The following RPH3A variants were observed in gnomAD, a reference collection of about 807,000 sequenced individuals.
The protein encoded by RPH3A is rabphilin-3A.
In RPH3A, 48 loss-of-function variants were observed where a neutral mutation model predicts 102.2. The ratio of observed to expected loss-of-function variants is 0.47; its 90% CI spans 0.37 to 0.60. The LOEUF (loss-of-function observed/expected upper bound fraction) is 0.60. RPH3A is among the 20% of genes least tolerant of loss of function. RPH3A has a pLI of 0.00. For missense variants in RPH3A, 781 were observed against 910.1 expected, an observed-to-expected ratio of 0.86 and a Z score of 1.83; for synonymous variants, 310 against 324.3, an observed-to-expected ratio of 0.96 and a Z score of 0.47.
intron 1 of RPH3A, among the ~76,000 whole-genome samples, chr12:112,637,299 G>A (rs1207113992): frequency 6.6e-6 from 1 of 152,098 alleles, no homozygotes; most frequent in Admixed American, 6.5e-5. Context: ...TATGGGCAAT[G>A]CCAAACATGT....
chr12:112,832,135 G>A (rs2041980271), intron 3 of RPH3A, among the ~76,000 whole-genome samples: 1 of 151,728 alleles, frequency 6.6e-6, no homozygotes, highest in Non-Finnish European at 1.5e-5. Flanking sequence ...TTTGAGTTGG[G>A]GTCTTGCTCT....
intron 1 of RPH3A, among the ~76,000 whole-genome samples, chr12:112,645,309 A>T (rs2039920429): frequency 6.6e-6 from 1 of 152,138 alleles, no homozygotes; most frequent in African/African-American, 2.4e-5. Context: ...TGAAGTTAGT[A>T]CACTTGGTCT....
chr12:112,646,874 A>T (rs2039935631), intron 1 of RPH3A, among the ~76,000 whole-genome samples: 1 of 152,054 alleles, frequency 6.6e-6, no homozygotes, highest in South Asian at 2.1e-4. Flanking sequence ...TGGTTTGATG[A>T]CCGATGTGGA....
intron 1 of RPH3A, among the ~76,000 whole-genome samples, chr12:112,778,500 A>AT (rs903757139): frequency 6.6e-6 from 1 of 152,106 alleles, no homozygotes; most frequent in Non-Finnish European, 1.5e-5. Flanking sequence ...TATGAATTTA[A>AT]TTTTTTTTAG....
chr12:112,846,084 G>A (rs1272628420), intron 4 of RPH3A, among the ~76,000 whole-genome samples: 1 of 152,178 alleles, frequency 6.6e-6, no homozygotes. Flanking sequence ...GGACAGAGGG[G>A]CAGGTAAAGG....
At chr12:112,733,556 G>C (rs1213810001) in intron 1 of RPH3A, among the ~76,000 whole-genome samples, 1 of 152,122 alleles carries the variant, frequency 6.6e-6, no homozygotes, top group Non-Finnish European at 1.5e-5. Flanking sequence ...CAATGAAGAA[G>C]CCTCGAATTG....
intron 1 of RPH3A, among the ~76,000 whole-genome samples, chr12:112,696,239 A>G (rs1036005449): frequency 6.6e-6 from 1 of 152,166 alleles, no homozygotes; most frequent in South Asian, 2.1e-4. Flanking sequence ...TCGTTGGTTG[A>G]TGGACACTTA....
chr12:112,629,839 G>A (rs935788889), intron 1 of RPH3A, among the ~76,000 whole-genome samples: 1 of 152,072 alleles, frequency 6.6e-6, no homozygotes, highest in Non-Finnish European at 1.5e-5. Context: ...TAGGCACAGT[G>A]CTAACATCTT....
chr12:112,789,844 G>T (rs2041077827), upstream of RPH3A, among the ~76,000 whole-genome samples: 3 of 145,572 alleles, frequency 2.1e-5, no homozygotes. Context: ...TTGAGGCGAG[G>T]AGTTCAAGAC....
intron 1 of RPH3A, among the ~76,000 whole-genome samples, chr12:112,774,368 A>G (rs1183627445): frequency 2.0e-5 from 3 of 152,216 alleles, no homozygotes; most frequent in Non-Finnish European, 2.9e-5. Context: ...TAACTAAAAT[A>G]TTTATGGAAA....
intron 1 of RPH3A, among the ~76,000 whole-genome samples, chr12:112,690,737 G>A (rs958553917): frequency 6.6e-6 from 1 of 152,180 alleles, no homozygotes; most frequent in African/African-American, 2.4e-5. Context: ...GTTAAGGAAG[G>A]GAAGAGGGAA....
chr12:112,863,286 G>A (rs1002985585), intron 5 of RPH3A, among the ~76,000 whole-genome samples: 2 of 152,130 alleles, frequency 1.3e-5, no homozygotes, highest in Admixed American at 6.5e-5. Flanking sequence ...GAAGTGCTAG[G>A]GTCATGCGTA....
At chr12:112,852,661 G>A (rs2042341934) in intron 5 of RPH3A, among the ~76,000 whole-genome samples, 1 of 152,136 alleles carries the variant, frequency 6.6e-6, no homozygotes. Context: ...GTGGCCAGAG[G>A]TGCCAGGCTA....
At chr12:112,828,234 A>G (rs945810832) in intron 2 of RPH3A, 67 bp from the exon 3 acceptor site, 9 of 1,058,298 alleles carry the variant, frequency 8.5e-6, no homozygotes, top group African/African-American at 6.3e-5. Context: ...GGCATAAAGC[A>G]GGGATTTGGG....
intron 1 of RPH3A, among the ~76,000 whole-genome samples, chr12:112,637,142 T>A (rs1425300391): frequency 6.6e-6 from 1 of 152,172 alleles, no homozygotes; most frequent in Admixed American, 6.5e-5. Flanking sequence ...CCGTTCATAA[T>A]AACATCTTTA....
At chr12:112,583,858 T>A (rs887606489) in intron 1 of RPH3A, among the ~76,000 whole-genome samples, 1 of 152,112 alleles carries the variant, frequency 6.6e-6, no homozygotes, top group Non-Finnish European at 1.5e-5. Flanking sequence ...TTGTGGCAGA[T>A]GCCTGTAGTC....
chr12:112,875,504 T>A (rs1023337356), intron 11 of RPH3A, among the ~76,000 whole-genome samples, 175 bp from the exon 12 acceptor site: 5 of 152,094 alleles, frequency 3.3e-5, no homozygotes, highest in African/African-American at 1.2e-4. Flanking sequence ...AGGGCTTGGA[T>A]CCAAGTCTTT....
At chr12:112,881,684 CAGAT>C (rs2042916033) in intron 14 of RPH3A, 84 bp from the exon 15 acceptor site, 1 of 876,008 alleles carries the variant, frequency 1.1e-6, no homozygotes, top group African/African-American at 1.7e-5. Flanking sequence ...ACAGGCAGGA[CAGAT>C]GCCAGGGGCT....
chr12:112,815,537 A>G (rs1440789219), intron 2 of RPH3A, among the ~76,000 whole-genome samples: 1 of 152,154 alleles, frequency 6.6e-6, no homozygotes, highest in Non-Finnish European at 1.5e-5. Context: ...GCCATTTTTT[A>G]AAGGAGAAAA....
Sources: allele counts gnomAD v4.1 joint callset (sites outside exome capture counted in the v4.1 genomes callset), GRCh38; gene constraint gnomAD v4.1.1; transcripts MANE v1.5; gene names NCBI Gene and HGNC (gene_info 2026-07-23, HGNC 2026-07-21).